The following C11orf65 variants were observed in gnomAD, a reference collection of about 807,000 sequenced individuals.
C11orf65 encodes chromosome 11 open reading frame 65.
Under a neutral mutation model 35.3 loss-of-function variants are expected in C11orf65, and 38 were observed. That is an observed-to-expected ratio of 1.08 (90% CI 0.83 to 1.41). C11orf65 has a LOEUF of 1.41. C11orf65 is among the 40% of genes most tolerant of loss of function. C11orf65 has a pLI of 0.00. For synonymous variants in C11orf65, 105 were observed against 114.4 expected, an observed-to-expected ratio of 0.92 and a Z score of 0.53; for missense variants, 370 against 367.1, an observed-to-expected ratio of 1.01 and a Z score of -0.06.
At chr11:108,330,111 TA>T, downstream of C11orf65, 1 of 1,372,282 alleles carries the variant, frequency 7.3e-7, no homozygotes, top group Non-Finnish European at 1.0e-6. Context: ...TTCCCTGGGA[TA>T]AAAACCCAAC....
intron 2 of C11orf65, among the ~76,000 whole-genome samples, chr11:108,357,035 A>G (rs927591910): frequency 2.0e-5 from 3 of 152,218 alleles, no homozygotes; most frequent in Admixed American, 6.5e-5. Flanking sequence ...CTGAGGTACC[A>G]GGTTCATCTC....
Position 108,335,232 on chromosome 11 carries a change from T to C in C11orf65, c.288A>G (p.Lys96=), listed in dbSNP as rs533332897. 20 of 1,558,182 alleles carry C rather than the reference T, an allele frequency of 1.3e-5. No individual in the cohort carries two copies. In the South Asian group the frequency reaches 1.8e-4, roughly 14 times the overall value. Reference sequence around the variant, plus strand: ...TTTGAATACTTACAAATGAGGAAGATTTGTAGAGTAGAAATGCATTATTTT... The same window carrying C: ...TTTGAATACTTACAAATGAGGAAGACTTGTAGAGTAGAAATGCATTATTTT... Residue 96 remains lysine (K), a synonymous_variant, in exon 3 of 4, where the codon AAA becomes AAG. Transcript: ENST00000524755.
At chr11:108,441,836 C>A (rs1053450234) in intron 2 of C11orf65, among the ~76,000 whole-genome samples, 1 of 152,130 alleles carries the variant, frequency 6.6e-6, no homozygotes, top group South Asian at 2.1e-4. Flanking sequence ...TCATCAAAGA[C>A]CAAAGGTAGA....
chr11:108,448,236 A>G (rs2093293804), intron 2 of C11orf65, among the ~76,000 whole-genome samples: 2 of 152,358 alleles, frequency 1.3e-5, no homozygotes, highest in South Asian at 4.1e-4. Context: ...TCCTTCTGAA[A>G]CTATTCCAAT....
chr11:108,310,739 A>G (rs2084083262), intron 6 of C11orf65, among the ~76,000 whole-genome samples: 1 of 152,324 alleles, frequency 6.6e-6, no homozygotes, highest in East Asian at 1.9e-4. Context: ...ATCCAAAATT[A>G]TAATCCAAAA....
intron 2 of C11orf65, chr11:108,335,404 C>G: frequency 6.8e-6 from 5 of 738,206 alleles, no homozygotes; most frequent in Non-Finnish European, 1.0e-5. Context: ...TGGTGTCTGT[C>G]TCTTATTTCC....
chr11:108,340,806 G>C (rs1488195400), intron 2 of C11orf65, among the ~76,000 whole-genome samples: 1 of 152,104 alleles, frequency 6.6e-6, no homozygotes, highest in African/African-American at 2.4e-5. Flanking sequence ...TATAACCTAT[G>C]AACCTCCTCC....
In C11orf65 at chr11:108,332,800, CAG is replaced by C. The variant is rs2086410142; in HGVS notation, c.300-1235_300-1234del. ...CTGCAAATAGAATAATATGTACTAT[CAG>C]AAGTAGGAGACCTCAGATGGTCAGA... On this transcript the variant is annotated intron_variant, in intron 3 of 3. Transcript: ENST00000524755. 2 of 1,613,246 alleles carry C rather than the reference CAG, an allele frequency of 1.2e-6. No individual in the cohort carries two copies. Among genetic ancestry groups the C allele is most frequent in the Non-Finnish European group, 1.7e-6 (2 of 1,179,712 alleles).
At chr11:108,311,529 C>T (rs561838707) in intron 6 of C11orf65, among the ~76,000 whole-genome samples, 2 of 152,086 alleles carry the variant, frequency 1.3e-5, no homozygotes, top group South Asian at 4.2e-4. Flanking sequence ...GACCTCAGCT[C>T]TACTAAAAAT....
Position 108,354,780 on chromosome 11 carries a change from A to G in C11orf65, c.227-19488T>C, listed in dbSNP as rs752493571. The G allele has an allele frequency of 1.3e-5, 20 of 1,591,624 alleles. No individual in the cohort carries two copies. In the South Asian group the frequency reaches 2.2e-4, roughly 18 times the overall value. On this transcript the variant is annotated intron_variant, in intron 2 of 3. Transcript: ENST00000524755. ...ACGTTGACAACATTGGTGTGTAACA[A>G]AATCCGTATTTATAATGTGTTTGAC...
intron 2 of C11orf65, among the ~76,000 whole-genome samples, chr11:108,434,128 T>C (rs1009591754): frequency 6.6e-6 from 1 of 152,166 alleles, no homozygotes; most frequent in Non-Finnish European, 1.5e-5. Context: ...GATGACTCAT[T>C]CCTTGGAATC....
At chr11:108,437,707 T>TA (rs145337876) in intron 2 of C11orf65, among the ~76,000 whole-genome samples, 1,449 of 37,964 alleles carry the variant, frequency 0.038, 73 homozygotes, top group African/African-American at 0.047. Flanking sequence ...GACTCAGTCT[T>TA]AAAAAAAAAA....
At chr11:108,402,094 C>G (rs2092450025) in intron 6 of C11orf65, among the ~76,000 whole-genome samples, 1 of 152,184 alleles carries the variant, frequency 6.6e-6, no homozygotes, top group Non-Finnish European at 1.5e-5. Context: ...GGACCTTGTA[C>G]CTCTGTCTGG....
intron 2 of C11orf65, among the ~76,000 whole-genome samples, chr11:108,339,073 C>G (rs79274314): frequency 6.4e-4 from 98 of 152,318 alleles, no homozygotes; most frequent in African/African-American, 2.3e-3. Context: ...TGCCAGATAT[C>G]TCTTGTCAGA....
downstream of C11orf65, chr11:108,330,315 A>G (rs878853544): frequency 6.2e-7 from 1 of 1,614,108 alleles, no homozygotes; most frequent in Non-Finnish European, 8.5e-7. Flanking sequence ...GTTGAAAATT[A>G]TATCAACTGC....
intron 6 of C11orf65, among the ~76,000 whole-genome samples, chr11:108,310,554 A>G (rs1470796749): frequency 2.0e-5 from 3 of 152,310 alleles, no homozygotes; most frequent in South Asian, 4.1e-4. Flanking sequence ...GCAAATTCCT[A>G]TAGGACAGAG....
chr11:108,445,138 C>A (rs1227391780), intron 2 of C11orf65, among the ~76,000 whole-genome samples: 1 of 152,186 alleles, frequency 6.6e-6, no homozygotes, highest in Non-Finnish European at 1.5e-5. Flanking sequence ...CACCACAGCT[C>A]AAGGAGGCCT....
At chr11:108,396,469 C>T (rs2092310108) in intron 6 of C11orf65, among the ~76,000 whole-genome samples, 1 of 152,042 alleles carries the variant, frequency 6.6e-6, no homozygotes. Context: ...GTATAAAATG[C>T]ACTTTGTTTT....
chr11:108,468,556 G>T (rs1435950039), upstream of C11orf65, among the ~76,000 whole-genome samples: 5 of 152,274 alleles, frequency 3.3e-5, no homozygotes, highest in Admixed American at 2.6e-4. Context: ...AGAAACACCT[G>T]AAGAGAAATT....
Sources: allele counts gnomAD v4.1 joint callset (sites outside exome capture counted in the v4.1 genomes callset), GRCh38; gene constraint gnomAD v4.1.1; transcripts MANE v1.5; gene names NCBI Gene and HGNC (gene_info 2026-07-23, HGNC 2026-07-21).